Variants in BACH2 observed in about 807,000 individuals in gnomAD.
BACH2 encodes BACH transcriptional regulator 2, also known as transcription regulator protein BACH2.
In BACH2, 5 loss-of-function variants were observed where a neutral mutation model predicts 61.8. The observed-to-expected ratio is 0.08, with a 90% CI of 0.04 to 0.17. BACH2 has a LOEUF of 0.17. Among genes scored for constraint, BACH2 ranks in the 10% least tolerant of loss-of-function variants. The pLI is 1.00. For synonymous variants in BACH2, 446 were observed against 440.1 expected (o/e 1.01, Z -0.17); for missense variants, 824 against 1,091.1 (o/e 0.76, Z 3.45).
intron 5 of BACH2, among the ~76,000 whole-genome samples, chr6:90,028,501 G>A (rs1562380922): frequency 6.6e-6 from 1 of 152,132 alleles, no homozygotes; most frequent in Non-Finnish European, 1.5e-5. Flanking sequence ...CTTTCATCAT[G>A]AGGGGCAGGA....
At chr6:89,936,482 G>A (rs1197612226) in intron 8 of BACH2, among the ~76,000 whole-genome samples, 2 of 152,202 alleles carry the variant, frequency 1.3e-5, no homozygotes, top group Non-Finnish European at 2.9e-5. Flanking sequence ...AGAAAAAGTG[G>A]AGGAATGTCC....
intron 4 of BACH2, among the ~76,000 whole-genome samples, chr6:90,200,451 C>A (rs886325330): frequency 6.6e-6 from 1 of 151,992 alleles, no homozygotes; most frequent in Non-Finnish European, 1.5e-5. Flanking sequence ...TCACTACTGC[C>A]CCCAAACCAT....
At chr6:90,239,849 A>T (rs1770385579) in intron 3 of BACH2, among the ~76,000 whole-genome samples, 1 of 147,598 alleles carries the variant, frequency 6.8e-6, no homozygotes, top group African/African-American at 2.5e-5. Flanking sequence ...ACACACGCTG[A>T]CTATTCACAT....
chr6:90,221,135 T>C (rs1198319124), intron 3 of BACH2, among the ~76,000 whole-genome samples: 1 of 152,254 alleles, frequency 6.6e-6, no homozygotes, highest in East Asian at 1.9e-4. Flanking sequence ...TCCAAACTTG[T>C]TCTGAAGTGA....
At chr6:90,083,191 G>A (rs940264470) in intron 5 of BACH2, among the ~76,000 whole-genome samples, 4 of 152,068 alleles carry the variant, frequency 2.6e-5, no homozygotes, top group South Asian at 4.1e-4. Context: ...AGTGACAGGT[G>A]CATCCAAAAA....
chr6:90,198,305 C>T (rs1161236305), intron 4 of BACH2, among the ~76,000 whole-genome samples: 2 of 152,166 alleles, frequency 1.3e-5, no homozygotes, highest in African/African-American at 4.8e-5. Flanking sequence ...TGAAATGCCC[C>T]CATGATTCCT....
intron 4 of BACH2, among the ~76,000 whole-genome samples, chr6:90,172,165 G>T (rs1242796836): frequency 6.6e-6 from 1 of 152,006 alleles, no homozygotes; most frequent in Non-Finnish European, 1.5e-5. Context: ...AATTAGCTGG[G>T]CGTGGTGGCA....
chr6:90,221,537 G>A (rs1051277377), intron 3 of BACH2, among the ~76,000 whole-genome samples: 2 of 152,188 alleles, frequency 1.3e-5, no homozygotes, highest in African/African-American at 4.8e-5. Context: ...GTGGTCATCA[G>A]AGAAATAAGT....
intron 6 of BACH2, among the ~76,000 whole-genome samples, chr6:89,975,086 T>C (rs1455701406): frequency 9.2e-5 from 14 of 152,188 alleles, no homozygotes; most frequent in Admixed American, 9.2e-4. Flanking sequence ...AGACTCAAAA[T>C]TGGCTTGCAC....
Position 89,932,791 on chromosome 6 carries a change from G to C in BACH2, c.2143C>G (p.Arg715Gly). 6.2e-7 allele frequency: 1 copy of C among 1,613,260 alleles called. No individual in the cohort carries two copies. Among genetic ancestry groups the C allele is most frequent in the Non-Finnish European group, 8.5e-7 (1 of 1,179,302 alleles). Residue 715 changes from arginine (R) to glycine (G), a missense_variant, in exon 9 of 9, where the codon CGA (arginine) becomes GGA (glycine). Coordinates refer to ENST00000257749, the MANE Select transcript of BACH2 (RefSeq NM_021813.4). Reference sequence around the variant, plus strand: ...ATCTGCTCGGGGCTCTGGATGTCTCGGCAAACTTCCTGGGAAAGGCAGGAG... The same window carrying C: ...ATCTGCTCGGGGCTCTGGATGTCTCCGCAAACTTCCTGGGAAAGGCAGGAG... ...NFSCLSQEVCRDIQSPEQIQA... is the reference protein window; with the variant it reads ...NFSCLSQEVCGDIQSPEQIQA...
At chr6:90,218,568 T>G (rs1181249430) in intron 3 of BACH2, among the ~76,000 whole-genome samples, 2 of 151,240 alleles carry the variant, frequency 1.3e-5, no homozygotes, top group African/African-American at 4.9e-5. Context: ...CTCACATGAC[T>G]CAACAAATCC....
rs904682907 is a variant in BACH2 at position 90,012,624 on chromosome 6, A to G, written c.-12-3768T>C. 2.0e-5 allele frequency among the ~76,000 whole-genome samples: 3 copies of G among 147,550 alleles called. 1 individual carries two copies. The South Asian group carries it at 6.6e-4, about 33-fold the overall frequency. On this transcript the variant is annotated intron_variant, in intron 5 of 8. Coordinates refer to ENST00000257749, the MANE Select transcript of BACH2 (RefSeq NM_021813.4). ...AGCCTGGGCGACAGAGCAAGACTCC[A>G]CCTCAAAAAAAAAAAAAAGAAAATT...
At chr6:90,147,028 T>A (rs866725887) in intron 4 of BACH2, among the ~76,000 whole-genome samples, 8 of 151,600 alleles carry the variant, frequency 5.3e-5, no homozygotes, top group African/African-American at 1.7e-4. Flanking sequence ...AAGAAAAAAA[T>A]TTTTCCCGAA....
At chr6:90,079,005 A>G (rs1252137294) in intron 5 of BACH2, among the ~76,000 whole-genome samples, 1 of 152,200 alleles carries the variant, frequency 6.6e-6, no homozygotes, top group Non-Finnish European at 1.5e-5. Flanking sequence ...ACTTGCAGAC[A>G]TTCTCATTCT....
At chr6:90,145,455 A>G (rs1784585348) in intron 4 of BACH2, among the ~76,000 whole-genome samples, 1 of 152,206 alleles carries the variant, frequency 6.6e-6, no homozygotes, top group Non-Finnish European at 1.5e-5. Flanking sequence ...TTGCAAGTGA[A>G]TAGAAAAAGT....
At chr6:90,040,521 A>AT (rs555439690) in intron 5 of BACH2, among the ~76,000 whole-genome samples, 3,172 of 145,470 alleles carry the variant, frequency 0.022, 120 homozygotes, top group East Asian at 0.14. Flanking sequence ...GCTATTTTTG[A>AT]TTTTTTTTTT....
At chr6:90,022,254 T>G (rs1778417577) in intron 5 of BACH2, among the ~76,000 whole-genome samples, 1 of 152,188 alleles carries the variant, frequency 6.6e-6, no homozygotes, top group African/African-American at 2.4e-5. Flanking sequence ...GGTAATAAAC[T>G]TGTGGCAACT....
At chr6:89,997,191 T>C (rs1412577362) in intron 6 of BACH2, among the ~76,000 whole-genome samples, 1 of 152,228 alleles carries the variant, frequency 6.6e-6, no homozygotes, top group Non-Finnish European at 1.5e-5. Context: ...CTGGTCAACA[T>C]CTACTAAAGC....
intron 3 of BACH2, among the ~76,000 whole-genome samples, chr6:90,251,655 A>T (rs1432002118): frequency 6.6e-6 from 1 of 152,120 alleles, no homozygotes; most frequent in Non-Finnish European, 1.5e-5. Flanking sequence ...TCTCTTTCTA[A>T]CTTAGAGGGT....
Sources: gnomAD v4.1 joint callset for allele counts (sites outside exome capture counted in the v4.1 genomes callset) on GRCh38, gnomAD v4.1.1 for gene constraint, MANE v1.5 for transcripts, NCBI Gene and HGNC (gene_info 2026-07-23, HGNC 2026-07-21) for gene names.